The following LYRM7 variants were observed in gnomAD, a reference collection of about 807,000 sequenced individuals.
LYRM7 encodes the protein complex III assembly factor LYRM7.
Under a neutral mutation model 15.8 loss-of-function variants are expected in LYRM7, and 9 were observed. The ratio of observed to expected loss-of-function variants is 0.57; its 90% confidence interval spans 0.34 to 0.99. LYRM7 has a LOEUF of 0.99. Among genes scored for constraint, LYRM7 ranks in the 50% least tolerant of loss-of-function variants. LYRM7 has a pLI of 0.02. For synonymous variants in LYRM7, 39 were observed against 39.4 expected (o/e 0.99, Z 0.04); for missense variants, 115 against 119.1 (o/e 0.97, Z 0.16).
intron 1 of LYRM7, among the ~76,000 whole-genome samples, chr5:131,175,044 T>C (rs1392727596): frequency 1.3e-5 from 2 of 152,100 alleles, no homozygotes; most frequent in Non-Finnish European, 2.9e-5. Context: ...ATCTCAACAG[T>C]GGGCTTAAAA....
At chr5:131,198,866 C>T (rs889259708) in intron 4 of LYRM7, among the ~76,000 whole-genome samples, 18 of 152,136 alleles carry the variant, frequency 1.2e-4, no homozygotes, top group African/African-American at 3.4e-4. Context: ...TCACCACACC[C>T]GGCCAAAAAT....
At chr5:131,192,029 GCATACA>G (rs751611710) in intron 4 of LYRM7, among the ~76,000 whole-genome samples, 123 of 110,528 alleles carry the variant, frequency 1.1e-3, no homozygotes, top group Non-Finnish European at 1.8e-3. Context: ...AAAATGTGGT[GCATACA>G]CACACACACA....
chr5:131,205,045 T>C lies in LYRM7; in HGVS notation c.*5444T>C, dbSNP rs2149669311. On this transcript the variant is annotated 3_prime_UTR_variant, in exon 5 of 5. Transcript: ENST00000379380. ...ATAAAATATTTTAAATATTAGCAAA[T>C]AATATAGCACACTCATGAACCTAAT... 1 of 152,242 alleles carries C rather than the reference T, an allele frequency of 6.6e-6. No individual in the cohort carries two copies. Among genetic ancestry groups the C allele is most frequent in the East Asian group, 1.9e-4 (1 of 5,318 alleles). The allele number at this position is 152,242 out of a possible 1,614,324, so 9.4% of individuals were successfully genotyped here.
chr5:131,179,455 C>CTTTTTTTTTTTTTTTT (rs1276304946), intron 1 of LYRM7, among the ~76,000 whole-genome samples: 37 of 95,350 alleles, frequency 3.9e-4, no homozygotes, highest in Admixed American at 4.6e-4. Flanking sequence ...TTTTTCTTTT[C>CTTTTTTTTTTTTTTTT]TTTTTTTTTT....
intron 4 of LYRM7, among the ~76,000 whole-genome samples, chr5:131,189,518 G>T (rs748981820): frequency 1.5e-4 from 23 of 149,298 alleles, no homozygotes; most frequent in Admixed American, 3.3e-4. Context: ...ATCAACTAGA[G>T]TTGGTTTGTA....
At chr5:131,174,969 G>C (rs1301516724) in intron 1 of LYRM7, among the ~76,000 whole-genome samples, 1 of 152,160 alleles carries the variant, frequency 6.6e-6, no homozygotes, top group African/African-American at 2.4e-5. Flanking sequence ...CAGAGCTCTT[G>C]GGTGATGAGG....
intron 4 of LYRM7, among the ~76,000 whole-genome samples, chr5:131,188,886 C>CCTGT (rs1755838648): frequency 6.6e-6 from 1 of 152,186 alleles, no homozygotes; most frequent in Non-Finnish European, 1.5e-5. Context: ...GTGGCTCACA[C>CCTGT]CTGTAATCCC....
chr5:131,176,731 C>T (rs1283047526), intron 1 of LYRM7, among the ~76,000 whole-genome samples: 6 of 151,628 alleles, frequency 4.0e-5, no homozygotes, highest in African/African-American at 1.4e-4. Flanking sequence ...TCCTATCCTC[C>T]TCCCTTTTGG....
intron 1 of LYRM7, among the ~76,000 whole-genome samples, chr5:131,178,049 C>T (rs1001546704): frequency 1.1e-4 from 16 of 152,166 alleles, no homozygotes; most frequent in Non-Finnish European, 4.4e-5. Context: ...GTTATTCCAT[C>T]TCTGCGATAA....
intron 4 of LYRM7, among the ~76,000 whole-genome samples, chr5:131,198,401 G>A (rs1201474066): frequency 6.6e-6 from 1 of 152,118 alleles, no homozygotes; most frequent in Non-Finnish European, 1.5e-5. Flanking sequence ...TTAATCTAGA[G>A]CAGTCCTTCA....
intron 1 of LYRM7, among the ~76,000 whole-genome samples, chr5:131,175,996 G>T (rs1376278080): frequency 2.0e-5 from 3 of 152,156 alleles, no homozygotes; most frequent in Admixed American, 2.0e-4. Flanking sequence ...CTGTGCTCAA[G>T]CGATCCACCC....
chr5:131,196,801 G>A (rs147654063), intron 4 of LYRM7, among the ~76,000 whole-genome samples: 176 of 152,062 alleles, frequency 1.2e-3, no homozygotes, highest in African/African-American at 4.1e-3. Flanking sequence ...CTGGTAGCTG[G>A]TGCCTGCCAC....
At position 131,205,330 on chromosome 5, in the gene LYRM7, A is replaced by G. The variant is rs1756161263; in HGVS notation, c.*5729A>G. ...TGTATTCTGCAACTTTTCATCATACATTAGGTTTTGGCGATTTAGCCATAA... is the reference window on the plus strand; with the variant it reads ...TGTATTCTGCAACTTTTCATCATACGTTAGGTTTTGGCGATTTAGCCATAA... On this transcript the variant is annotated 3_prime_UTR_variant, in exon 5 of 5. Transcript: ENST00000379380. 1 of 152,200 alleles carries G rather than the reference A, an allele frequency of 6.6e-6. No homozygotes were observed. Among genetic ancestry groups the G allele is most frequent in the Admixed American group, 6.5e-5 (1 of 15,274 alleles). The allele number at this position is 152,200 out of a possible 1,614,324, so 9.4% of individuals were successfully genotyped here.
intron 4 of LYRM7, among the ~76,000 whole-genome samples, chr5:131,190,135 CAA>C (rs573413593): frequency 3.5e-4 from 29 of 82,060 alleles, no homozygotes; most frequent in South Asian, 3.5e-4. Flanking sequence ...CCCTGTCTCA[CAA>C]AAAAAAAAAA....
chr5:131,190,383 A>T (rs1755866602), intron 4 of LYRM7, among the ~76,000 whole-genome samples: 1 of 151,720 alleles, frequency 6.6e-6, no homozygotes, highest in Non-Finnish European at 1.5e-5. Context: ...TTTAGTAGAG[A>T]CGGAGTTTCA....
intron 2 of LYRM7, among the ~76,000 whole-genome samples, chr5:131,181,476 TA>T (rs561965980): frequency 6.2e-5 from 8 of 128,416 alleles, no homozygotes; most frequent in Non-Finnish European, 3.2e-5. Flanking sequence ...TATATATATA[TA>T]ACATATATAT....
At chr5:131,172,462 C>T (rs531912293) in intron 1 of LYRM7, among the ~76,000 whole-genome samples, 9 of 152,138 alleles carry the variant, frequency 5.9e-5, no homozygotes, top group African/African-American at 1.9e-4. Flanking sequence ...TCAGACCTGA[C>T]GTTTGATTAG....
intron 4 of LYRM7, among the ~76,000 whole-genome samples, chr5:131,197,541 C>CTTTTTTTTTTTTT (rs60003952): frequency 1.1e-5 from 1 of 90,752 alleles, no homozygotes; most frequent in African/African-American, 4.3e-5. Flanking sequence ...TGTCTTCTGT[C>CTTTTTTTTTTTTT]TTTTTTTTTT....
chr5:131,173,405 A>G (rs946492210), intron 1 of LYRM7, among the ~76,000 whole-genome samples: 1 of 152,220 alleles, frequency 6.6e-6, no homozygotes, highest in East Asian at 1.9e-4. Flanking sequence ...TTATGTTTAC[A>G]CTATAATGTA....
Sources: allele counts gnomAD v4.1 joint callset (sites outside exome capture counted in the v4.1 genomes callset), GRCh38; gene constraint gnomAD v4.1.1; transcripts MANE v1.5; gene names NCBI Gene and HGNC (gene_info 2026-07-23, HGNC 2026-07-21).